Variants in RNF111 observed in about 807,000 individuals in gnomAD.
RNF111 encodes the protein ring finger protein 111.
Under a neutral mutation model 95.1 loss-of-function variants are expected in RNF111, and 17 were observed. That is an observed-to-expected ratio of 0.18 (90% CI 0.12 to 0.27). RNF111 has a LOEUF of 0.27. RNF111 is among the 10% of genes least tolerant of loss of function. The pLI is 1.00. For synonymous variants in RNF111, 440 were observed against 414.8 expected (o/e 1.06, Z -0.74); for missense variants, 1,189 against 1,210.4 (o/e 0.98, Z 0.26).
At chr15:58,999,080 C>T (rs1359259862) in intron 1 of RNF111, among the ~76,000 whole-genome samples, 1 of 152,192 alleles carries the variant, frequency 6.6e-6, no homozygotes, top group Non-Finnish European at 1.5e-5. Context: ...ATAACACCCA[C>T]ACTTACCTGA....
At chr15:59,089,866 A>G in intron 11 of RNF111, 107 bp downstream of exon 11, 2 of 661,550 alleles carry the variant, frequency 3.0e-6, no homozygotes, top group Non-Finnish European at 5.1e-6. Flanking sequence ...GTGGCTGGGA[A>G]TCACATGTGA....
chr15:59,065,823 C>T (rs1438204321), intron 5 of RNF111, among the ~76,000 whole-genome samples: 1 of 152,072 alleles, frequency 6.6e-6, no homozygotes, highest in Non-Finnish European at 1.5e-5. Flanking sequence ...CCAGCCTGGG[C>T]AATGTGGCAA....
At chr15:59,045,869 A>G (rs113436753) in intron 2 of RNF111, among the ~76,000 whole-genome samples, 88 of 152,212 alleles carry the variant, frequency 5.8e-4, no homozygotes, top group Admixed American at 1.4e-3. Flanking sequence ...TGGAAATTCA[A>G]TCTACAATAT....
At chr15:59,040,737 T>A (rs1160311636) in intron 2 of RNF111, among the ~76,000 whole-genome samples, 1 of 152,256 alleles carries the variant, frequency 6.6e-6, no homozygotes, top group Non-Finnish European at 1.5e-5. Flanking sequence ...ACAGTAATTC[T>A]AATTAATACA....
At chr15:58,991,361 T>C (rs2038808895) in intron 1 of RNF111, among the ~76,000 whole-genome samples, 1 of 152,176 alleles carries the variant, frequency 6.6e-6, no homozygotes, top group African/African-American at 2.4e-5. Flanking sequence ...CGGTACTGCA[T>C]TATTACGTAG....
intron 6 of RNF111, among the ~76,000 whole-genome samples, chr15:59,070,026 C>T (rs1246916645): frequency 9.6e-6 from 1 of 103,686 alleles, no homozygotes; most frequent in Non-Finnish European, 1.8e-5. Context: ...ACCCCACCTC[C>T]TGCTTTTTTT....
At chr15:59,001,339 CTTCTCTT>C (rs1415372974) in intron 1 of RNF111, among the ~76,000 whole-genome samples, 1 of 152,102 alleles carries the variant, frequency 6.6e-6, no homozygotes, top group Admixed American at 6.6e-5. Context: ...TTTTACCTCT[CTTCTCTT>C]TTCTGGATTT....
intron 1 of RNF111, among the ~76,000 whole-genome samples, chr15:59,026,467 A>T (rs2040616248): frequency 6.6e-6 from 1 of 152,190 alleles, no homozygotes; most frequent in Non-Finnish European, 1.5e-5. Flanking sequence ...ACAGTGTGTA[A>T]CAGCAAGCCA....
intron 2 of RNF111, among the ~76,000 whole-genome samples, chr15:59,039,558 A>C (rs115636176): frequency 0.01 from 1,553 of 152,150 alleles, 27 homozygotes; most frequent in African/African-American, 0.035. Context: ...AAATGATTTC[A>C]TCTTTGGCCA....
At chr15:59,075,886 T>C (rs1055218574) in intron 6 of RNF111, 68 bp from the exon 7 acceptor site, 3 of 1,513,946 alleles carry the variant, frequency 2.0e-6, no homozygotes, top group Middle Eastern at 2.0e-4. Context: ...TTAGGAATAC[T>C]TTTATAATAT....
rs752534750 is a variant in RNF111, at chr15:59,055,867, A to C, written c.1171+22A>C. 3 of 1,564,646 alleles carry C rather than the reference A, an allele frequency of 1.9e-6. No individual in the cohort carries two copies. In the African/African-American group the frequency reaches 4.1e-5, roughly 21 times the overall value. ...GATGGTAAATTGAAGTAGTAACAGT[A>C]GAAAATTATGAAAGGAGTTTGATAA... On this transcript the variant is annotated intron_variant, in intron 4 of 13. Coordinates refer to ENST00000348370, the MANE Select transcript of RNF111 (RefSeq NM_017610.8).
At chr15:59,071,558 G>A (rs1346513907) in intron 6 of RNF111, among the ~76,000 whole-genome samples, 6 of 151,910 alleles carry the variant, frequency 3.9e-5, no homozygotes, top group Middle Eastern at 6.8e-3. Context: ...CTGGGCGTGG[G>A]GTCTCGTGCC....
At chr15:59,041,421 G>T (rs2041443911) in intron 2 of RNF111, among the ~76,000 whole-genome samples, 1 of 152,042 alleles carries the variant, frequency 6.6e-6, no homozygotes, top group African/African-American at 2.4e-5. Context: ...GGGTGTGGTG[G>T]CTGCACCTGT....
In RNF111 at chr15:59,081,028, G is replaced by A. The variant is rs1396951407; in HGVS notation, c.2041G>A (p.Val681Met). 1.2e-6 allele frequency: 2 copies of A among 1,613,980 alleles called. No homozygotes were observed. Among genetic ancestry groups the A allele is most frequent in the Non-Finnish European group, 1.7e-6 (2 of 1,180,032 alleles). The change falls in exon 8 of 14, where the codon GTG (valine) becomes ATG (methionine). Residue 681 changes from valine to methionine, a missense_variant. Val to Met is a conservative substitution (Grantham distance 21, BLOSUM62 1). Around this residue, in one of 2 missense-constraint regions of RNF111, gnomAD observed 1,024 missense variants for 925.9 expected, o/e 1.11. Transcript: ENST00000348370. ...TCCTCAGACTCAGCCTCCGCCTCAAGTGGATTATGTTATTCCTCATCCTGT... is the reference window on the plus strand; with the variant it reads ...TCCTCAGACTCAGCCTCCGCCTCAAATGGATTATGTTATTCCTCATCCTGT... ...PPPQTQPPPQ[V>M]DYVIPHPVHA... is the part of the protein sequence containing the mutation.
chr15:58,990,901 T>C (rs2038785513), intron 1 of RNF111, among the ~76,000 whole-genome samples: 2 of 152,192 alleles, frequency 1.3e-5, no homozygotes, highest in South Asian at 2.1e-4. Context: ...TTTGTTTCTT[T>C]CCTACATCCT....
chr15:59,066,921 T>A lies in RNF111; in HGVS notation c.1524T>A (p.His508Gln). Residue 508 changes from histidine to glutamine, a missense_variant, in exon 6 of 14, where the codon CAT becomes CAA. This residue lies in a region of RNF111 where 1,024 missense variants were observed against 925.9 expected (regional missense o/e 1.11). Transcript: ENST00000348370. Reference sequence around the variant, plus strand: ...CTCATACAAGTTGCTTTCAGCAGCATGGTCACCATTTTCAACATCATCACC... The same window carrying A: ...CTCATACAAGTTGCTTTCAGCAGCAAGGTCACCATTTTCAACATCATCACC... The part of the protein sequence containing the change: ...GHPHTSCFQQ[H>Q]GHHFQHHHHH... 1 of 1,614,078 alleles carries A rather than the reference T, an allele frequency of 6.2e-7. No individual in the cohort carries two copies. Among genetic ancestry groups the A allele is most frequent in the East Asian group, 2.2e-5 (1 of 44,870 alleles).
At chr15:59,029,839 T>TCACACA (rs1292993969) in intron 1 of RNF111, among the ~76,000 whole-genome samples, 1 of 152,180 alleles carries the variant, frequency 6.6e-6, no homozygotes, top group East Asian at 1.9e-4. Context: ...TAGTGTTCAT[T>TCACACA]CATCTATAAA....
intron 1 of RNF111, among the ~76,000 whole-genome samples, chr15:59,016,292 C>A (rs1473898900): frequency 1.3e-5 from 2 of 151,970 alleles, no homozygotes; most frequent in South Asian, 4.1e-4. Flanking sequence ...GCCTCAGCCA[C>A]TCGAGTAGCT....
chr15:58,992,985 G>A (rs57452205), intron 1 of RNF111, among the ~76,000 whole-genome samples: 3,251 of 150,400 alleles, frequency 0.022, 70 homozygotes, highest in African/African-American at 0.044. Context: ...CCTGCCCAAC[G>A]TGGCAAAACC....
Sources: gnomAD v4.1 joint callset for allele counts (sites outside exome capture counted in the v4.1 genomes callset) on GRCh38, gnomAD v4.1.1 for gene constraint, gnomAD v4.1.1 regional missense constraint, MANE v1.5 for transcripts, NCBI Gene and HGNC (gene_info 2026-07-23, HGNC 2026-07-21) for gene names.